Variants in MARCHF6 observed in about 807,000 individuals in gnomAD.
The protein encoded by MARCHF6 is E3 ubiquitin-protein ligase MARCHF6.
A neutral mutation model predicts 133.7 loss-of-function variants in MARCHF6; 31 were observed. The observed-to-expected ratio is 0.23, with a 90% CI of 0.17 to 0.31. MARCHF6 has a LOEUF of 0.31. MARCHF6 is among the 10% of genes least tolerant of loss of function. MARCHF6 has a pLI of 1.00. For missense variants in MARCHF6, 723 were observed against 1,121.6 expected (o/e 0.64, Z 5.08); for synonymous variants, 395 against 402.5 (o/e 0.98, Z 0.22).
chr5:10,406,016 C>A (rs1233267540), intron 16 of MARCHF6, among the ~76,000 whole-genome samples: 1 of 152,144 alleles, frequency 6.6e-6, no homozygotes, highest in Non-Finnish European at 1.5e-5. Flanking sequence ...CAAGCATTAC[C>A]ACCTGAGCTC....
At chr5:10,423,636 A>C in intron 22 of MARCHF6, 99 bp from the exon 23 acceptor site, 1 of 682,518 alleles carries the variant, frequency 1.5e-6, no homozygotes, top group Non-Finnish European at 2.3e-6. Flanking sequence ...TAGAACTTCT[A>C]TTTTGATGTG....
intron 22 of MARCHF6, among the ~76,000 whole-genome samples, chr5:10,418,243 G>A (rs1234681581): frequency 1.3e-5 from 2 of 152,012 alleles, no homozygotes; most frequent in Non-Finnish European, 2.9e-5. Context: ...AGCCAAGCGT[G>A]GTGGTGTGGG....
At chr5:10,359,763 C>T (rs1228308897) in intron 1 of MARCHF6, among the ~76,000 whole-genome samples, 4 of 152,172 alleles carry the variant, frequency 2.6e-5, no homozygotes, top group South Asian at 2.1e-4. Context: ...CCAGCACTTT[C>T]GGAGGCGGTG....
chr5:10,404,220 A>G (rs1434900694), intron 15 of MARCHF6, among the ~76,000 whole-genome samples: 1 of 151,914 alleles, frequency 6.6e-6, no homozygotes, highest in Admixed American at 6.6e-5. Context: ...GGCACCCACC[A>G]CCATGCCCGG....
chr5:10,363,072 C>T lies in MARCHF6; in HGVS notation c.19+9155C>T, dbSNP rs540406369. On this transcript the variant is annotated intron_variant, in intron 1 of 25. Coordinates refer to ENST00000274140, the MANE Select transcript of MARCHF6 (RefSeq NM_005885.4). ...GGGCTGTTAGACCTCAATGAAAAAC[C>T]TAAAACTATGAAACTTCTAGGGGAA... 2.0e-5 allele frequency among the ~76,000 whole-genome samples: 3 copies of T among 152,098 alleles called. No homozygotes were observed. The South Asian group carries it at 6.2e-4, about 32-fold the overall frequency.
intron 22 of MARCHF6, among the ~76,000 whole-genome samples, chr5:10,417,918 G>A (rs1739607604): frequency 6.6e-6 from 1 of 151,852 alleles, no homozygotes; most frequent in Non-Finnish European, 1.5e-5. Context: ...AGGTTAAAAT[G>A]TTACTAACCA....
At chr5:10,389,057 A>G (rs1244707357) in intron 5 of MARCHF6, among the ~76,000 whole-genome samples, 1 of 152,134 alleles carries the variant, frequency 6.6e-6, no homozygotes, top group Non-Finnish European at 1.5e-5. Context: ...GTTTAGTTTA[A>G]GTTTGGAGCT....
In MARCHF6 at chr5:10,402,426, C is replaced by T; in HGVS notation, c.1096C>T (p.Leu366=). The part of the protein sequence containing the change: ...LVKFHRSRRL[L]GVCYIVVKVS... ...GAAATTTCATAGATCTCGTCGCTTA[C>T]TGGGAGTCTGCTATATTGTTGTTAA... Residue 366 remains leucine (L), a synonymous_variant, in exon 13 of 26, where the codon CTG becomes TTG. Transcript: ENST00000274140. 1 of 1,613,886 alleles carries T rather than the reference C, an allele frequency of 6.2e-7. No homozygotes were observed. Among genetic ancestry groups the T allele is most frequent in the Non-Finnish European group, 8.5e-7 (1 of 1,179,878 alleles).
chr5:10,365,906 C>T (rs1320016128), intron 1 of MARCHF6, among the ~76,000 whole-genome samples: 1 of 151,890 alleles, frequency 6.6e-6, no homozygotes, highest in African/African-American at 2.4e-5. Context: ...AATGTTATAT[C>T]TCTTTCCATA....
intron 1 of MARCHF6, among the ~76,000 whole-genome samples, chr5:10,355,803 A>G (rs1735422217): frequency 6.6e-6 from 1 of 152,234 alleles, no homozygotes; most frequent in South Asian, 2.1e-4. Context: ...TGGCAGAGGC[A>G]AGATTCAGAC....
intron 1 of MARCHF6, among the ~76,000 whole-genome samples, chr5:10,357,959 TGGG>T (rs1735579579): frequency 7.3e-6 from 1 of 137,842 alleles, no homozygotes. Flanking sequence ...TATGAGGGCA[TGGG>T]TTGCTTTTTT....
intron 15 of MARCHF6, among the ~76,000 whole-genome samples, chr5:10,405,100 T>C (rs1412221505): frequency 6.6e-6 from 1 of 152,180 alleles, no homozygotes; most frequent in Non-Finnish European, 1.5e-5. Flanking sequence ...GGTAACTCAG[T>C]GAGTTTGGAC....
intron 1 of MARCHF6, among the ~76,000 whole-genome samples, chr5:10,369,940 C>G (rs931270084): frequency 1.3e-5 from 2 of 151,704 alleles, no homozygotes; most frequent in African/African-American, 4.8e-5. Flanking sequence ...AGGATGAAAC[C>G]GTTATACATA....
At position 10,415,526 on chromosome 5, in the gene MARCHF6, A is replaced by G; in HGVS notation, c.2005A>G (p.Thr669Ala). The G allele has an allele frequency of 6.2e-7, 1 of 1,604,144 alleles. No individual in the cohort carries two copies. Among genetic ancestry groups the G allele is most frequent in the Non-Finnish European group, 8.5e-7 (1 of 1,174,738 alleles). ...TTGGTTAATGTCGTTTTGGACGGGG[A>G]CTGCCAAAATCCATGAGCTCTACAC... ...GRWLMSFWTG[T>A]AKIHELYTAA... Residue 669 changes from threonine (T) to alanine (A), a missense_variant, in exon 21 of 26, where the codon ACT becomes GCT. By Grantham distance (58) the Thr-to-Ala change is moderately conservative. Transcript: ENST00000274140.
rs562506833 is a variant in MARCHF6 at position 10,430,179 on chromosome 5, G to C, written c.2642+151G>C. On this transcript the variant is annotated intron_variant, in intron 25 of 25. Coordinates refer to ENST00000274140, the MANE Select transcript of MARCHF6 (RefSeq NM_005885.4). ...AAGGTTTGCTGACAGATTGTGACATGTGAAGGAGAGTGGAATCAAGGACTT... is the reference window on the plus strand; with the variant it reads ...AAGGTTTGCTGACAGATTGTGACATCTGAAGGAGAGTGGAATCAAGGACTT... 4.8e-6 allele frequency: 4 copies of C among 840,860 alleles called. No individual in the cohort carries two copies. The African/African-American group carries it at 5.2e-5, about 11-fold the overall frequency. 52.1% of individuals were successfully genotyped at this position (840,860 alleles called of 1,614,324 possible).
intron 4 of MARCHF6, among the ~76,000 whole-genome samples, chr5:10,382,444 G>A (rs1426265341): frequency 6.8e-6 from 1 of 147,630 alleles, no homozygotes; most frequent in African/African-American, 2.5e-5. Context: ...TCCAGCTTGG[G>A]CAACAGAGCA....
chr5:10,373,443 T>G (rs1299248471), intron 1 of MARCHF6, among the ~76,000 whole-genome samples: 2 of 152,156 alleles, frequency 1.3e-5, no homozygotes, highest in East Asian at 3.9e-4. Flanking sequence ...GCTTTGGTCC[T>G]GACCACAGCT....
At chr5:10,418,123 A>G (rs1276661723) in intron 22 of MARCHF6, among the ~76,000 whole-genome samples, 1 of 152,126 alleles carries the variant, frequency 6.6e-6, no homozygotes, top group East Asian at 1.9e-4. Flanking sequence ...TTATGCCTGC[A>G]ATCACAGCAC....
chr5:10,366,754 T>C (rs2126659724), intron 1 of MARCHF6, among the ~76,000 whole-genome samples: 1 of 152,158 alleles, frequency 6.6e-6, no homozygotes, highest in Middle Eastern at 3.4e-3. Flanking sequence ...TGATCACACG[T>C]TCATATTATT....
Sources: allele counts gnomAD v4.1 joint callset (sites outside exome capture counted in the v4.1 genomes callset), GRCh38; gene constraint gnomAD v4.1.1; transcripts MANE v1.5; gene names NCBI Gene and HGNC (gene_info 2026-07-23, HGNC 2026-07-21).